ADK: variants seen among roughly 807,000 people sequenced by gnomAD.
ADK encodes the protein adenosine kinase.
ADK carries 24 observed loss-of-function variants against 44.7 expected under a neutral mutation model. The ratio of observed to expected loss-of-function variants is 0.54; its 90% CI spans 0.39 to 0.76. The LOEUF (loss-of-function observed/expected upper bound fraction) is 0.76. Among genes scored for constraint, ADK ranks in the 30% least tolerant of loss-of-function variants. ADK has a pLI of 0.00. For synonymous variants in ADK, 128 were observed against 142.6 expected (o/e 0.90, Z 0.73); for missense variants, 321 against 425.1 (o/e 0.76, Z 2.15).
chr10:74,635,946 G>A (rs1219304098), intron 9 of ADK, among the ~76,000 whole-genome samples: 2 of 151,854 alleles, frequency 1.3e-5, no homozygotes, highest in Non-Finnish European at 2.9e-5. Flanking sequence ...AAATTAGCTG[G>A]GCGCAGTGGC....
At chr10:74,347,362 C>A (rs1841812082) in intron 4 of ADK, among the ~76,000 whole-genome samples, 1 of 152,000 alleles carries the variant, frequency 6.6e-6, no homozygotes, top group Admixed American at 6.5e-5. Flanking sequence ...CCAAGGGAAG[C>A]CATGAGGGAC....
chr10:74,172,190 T>C lies in ADK; in HGVS notation c.65+20847T>C, dbSNP rs922824842. The stretch of plus-strand genomic sequence containing the variant: ...GTCTTGTTCTATCTCTCAGGCTAGA[T>C]TGCAGCGGCGCAAACACAGCTTGCT... On this transcript the variant is annotated intron_variant, in intron 1 of 10. Transcript: ENST00000539909. 2.6e-5 allele frequency among the ~76,000 whole-genome samples: 4 copies of C among 151,186 alleles called. No homozygotes were observed. The East Asian group carries it at 5.8e-4, about 22-fold the overall frequency.
intron 6 of ADK, among the ~76,000 whole-genome samples, chr10:74,465,603 T>C (rs1319927119): frequency 6.6e-6 from 1 of 152,190 alleles, no homozygotes; most frequent in Non-Finnish European, 1.5e-5. Context: ...GTGGGAGATA[T>C]GATGACTTGG....
chr10:74,212,572 G>C (rs995781102), intron 2 of ADK, among the ~76,000 whole-genome samples: 5 of 152,134 alleles, frequency 3.3e-5, no homozygotes, highest in Non-Finnish European at 7.4e-5. Flanking sequence ...TTCTTGTGAG[G>C]ATTGAATGAG....
intron 4 of ADK, among the ~76,000 whole-genome samples, chr10:74,359,128 AGAT>A (rs1473586602): frequency 2.6e-5 from 4 of 152,186 alleles, no homozygotes; most frequent in African/African-American, 9.7e-5. Context: ...ACATGGTATA[AGAT>A]GAGGATCTAG....
At chr10:74,220,736 A>G (rs1342944294) in intron 2 of ADK, among the ~76,000 whole-genome samples, 1 of 152,228 alleles carries the variant, frequency 6.6e-6, no homozygotes, top group Non-Finnish European at 1.5e-5. Flanking sequence ...AATAAATGTA[A>G]TCCAGCATAT....
chr10:74,393,004 C>T (rs949944620), intron 4 of ADK, among the ~76,000 whole-genome samples: 3 of 152,072 alleles, frequency 2.0e-5, no homozygotes, highest in Non-Finnish European at 4.4e-5. Context: ...TTTGCCATTA[C>T]AAATAACATC....
At chr10:74,269,714 G>T (rs945929268) in intron 3 of ADK, among the ~76,000 whole-genome samples, 5 of 152,122 alleles carry the variant, frequency 3.3e-5, no homozygotes, top group Non-Finnish European at 4.4e-5. Flanking sequence ...GATCACTTGA[G>T]CTCAGGAGTT....
At chr10:74,345,180 C>T (rs1458772627) in intron 4 of ADK, among the ~76,000 whole-genome samples, 1 of 152,072 alleles carries the variant, frequency 6.6e-6, no homozygotes, top group Non-Finnish European at 1.5e-5. Flanking sequence ...TTTTTTTAGT[C>T]ATTTGTGCCT....
chr10:74,327,951 C>T (rs1450629591), intron 4 of ADK, among the ~76,000 whole-genome samples: 1 of 152,196 alleles, frequency 6.6e-6, no homozygotes, highest in African/African-American at 2.4e-5. Context: ...CTCTGTCACC[C>T]AGGCTGGAGT....
At chr10:74,598,483 C>G (rs1314824741) in intron 8 of ADK, among the ~76,000 whole-genome samples, 2 of 109,474 alleles carry the variant, frequency 1.8e-5, no homozygotes, top group Non-Finnish European at 3.4e-5. Flanking sequence ...TGGCGTCTTG[C>G]TCTGTCACCA....
At chr10:74,689,477 A>C (rs1855908608) in intron 10 of ADK, among the ~76,000 whole-genome samples, 1 of 152,184 alleles carries the variant, frequency 6.6e-6, no homozygotes, top group Admixed American at 6.5e-5. Context: ...AAAATATATT[A>C]AAGTTATCCA....
chr10:74,288,527 A>T (rs1384866357), intron 3 of ADK, among the ~76,000 whole-genome samples: 1 of 151,930 alleles, frequency 6.6e-6, no homozygotes, highest in Non-Finnish European at 1.5e-5. Flanking sequence ...GCGGGCACCT[A>T]TAATCCCAGC....
intron 6 of ADK, among the ~76,000 whole-genome samples, chr10:74,438,507 G>C (rs1030159682): frequency 6.6e-6 from 1 of 152,018 alleles, no homozygotes; most frequent in African/African-American, 2.4e-5. Context: ...TGGGATTACA[G>C]GCATGAGCCA....
At chr10:74,569,766 T>C (rs1850863610) in intron 7 of ADK, among the ~76,000 whole-genome samples, 1 of 152,248 alleles carries the variant, frequency 6.6e-6, no homozygotes, top group African/African-American at 2.4e-5. Flanking sequence ...GTGCAGAAGC[T>C]CTTTAGCTTA....
chr10:74,269,686 G>A (rs902912078), intron 3 of ADK, among the ~76,000 whole-genome samples: 6 of 152,246 alleles, frequency 3.9e-5, no homozygotes, highest in African/African-American at 1.2e-4. Flanking sequence ...CCAGCACTTT[G>A]GGAGGCCAAG....
chr10:74,176,648 G>A (rs1842348702), intron 1 of ADK: 5 of 1,412,002 alleles, frequency 3.5e-6, no homozygotes, highest in Middle Eastern at 2.6e-4. Context: ...CACGGCGTCT[G>A]GGGACGATCT....
At chr10:74,617,305 A>T (rs1263825513) in intron 9 of ADK, among the ~76,000 whole-genome samples, 1 of 152,208 alleles carries the variant, frequency 6.6e-6, no homozygotes, top group Non-Finnish European at 1.5e-5. Flanking sequence ...TGTTTGCTAT[A>T]GTCTCTTTGT....
Position 74,391,651 on chromosome 10 carries a change from A to G in ADK, c.274-2490A>G, listed in dbSNP as rs1843332499. Among the ~76,000 whole-genome samples the G allele has an allele frequency of 1.7e-4, 4 of 24,074 alleles. No homozygotes were observed. The South Asian group carries it at 3.0e-3, about 18-fold the overall frequency. 15.8% of individuals were successfully genotyped at this position (24,074 alleles called of 152,430 possible). A position where few individuals can be genotyped will look rare whatever the true frequency, so the allele number is the denominator to read the frequency against. ...GAATTCAGGAGTTCGAGGCAAGAATATACACACACACACACACACACACAC... is the reference window on the plus strand; with the variant it reads ...GAATTCAGGAGTTCGAGGCAAGAATGTACACACACACACACACACACACAC... On this transcript the variant is annotated intron_variant, in intron 4 of 10. Transcript: ENST00000539909.
Sources: gnomAD v4.1 joint callset for allele counts (sites outside exome capture counted in the v4.1 genomes callset) on GRCh38, gnomAD v4.1.1 for gene constraint, MANE v1.5 for transcripts, NCBI Gene and HGNC (gene_info 2026-07-23, HGNC 2026-07-21) for gene names.